Variants in CNTN5 observed in about 807,000 individuals in gnomAD.
The protein encoded by CNTN5 is contactin 5, also known as contactin-5.
CNTN5 carries 77 observed loss-of-function variants against 129.1 expected under a neutral mutation model. The observed-to-expected ratio is 0.60, with a 90% CI of 0.50 to 0.72. The LOEUF is 0.72. Among genes scored for constraint, CNTN5 ranks in the 30% least tolerant of loss-of-function variants. CNTN5 has a pLI of 0.00. For synonymous variants in CNTN5, 509 were observed against 465.6 expected, an observed-to-expected ratio of 1.09 and a Z score of -1.20; for missense variants, 1,478 against 1,328.8, an observed-to-expected ratio of 1.11 and a Z score of -1.75.
intron 3 of CNTN5, among the ~76,000 whole-genome samples, chr11:99,572,843 C>T (rs1949219315): frequency 6.6e-6 from 1 of 151,736 alleles, no homozygotes; most frequent in East Asian, 1.9e-4. Flanking sequence ...AATATATTGG[C>T]GGTTAGAAAC....
intron 3 of CNTN5, among the ~76,000 whole-genome samples, chr11:99,657,582 G>C (rs987696048): frequency 6.6e-6 from 1 of 152,042 alleles, no homozygotes; most frequent in Non-Finnish European, 1.5e-5. Flanking sequence ...ACATTTTTGT[G>C]TGTTTCATAG....
chr11:100,035,099 C>A (rs1941912609), intron 9 of CNTN5, among the ~76,000 whole-genome samples: 2 of 152,054 alleles, frequency 1.3e-5, no homozygotes, highest in Admixed American at 6.6e-5. Context: ...TGAGGTATAC[C>A]TCCTAATGCT....
intron 3 of CNTN5, among the ~76,000 whole-genome samples, chr11:99,754,887 T>C (rs1451625824): frequency 6.6e-6 from 1 of 152,216 alleles, no homozygotes; most frequent in Admixed American, 6.5e-5. Context: ...GTAGTTTTAA[T>C]GCCTTAAAAA....
intron 3 of CNTN5, among the ~76,000 whole-genome samples, chr11:99,722,421 G>A (rs1486114926): frequency 6.6e-6 from 1 of 152,072 alleles, no homozygotes; most frequent in Non-Finnish European, 1.5e-5. Context: ...GTGAGTGGGA[G>A]CTAAATGATG....
chr11:99,550,560 G>A (rs1565285758), intron 2 of CNTN5, among the ~76,000 whole-genome samples: 1 of 152,048 alleles, frequency 6.6e-6, no homozygotes, highest in Non-Finnish European at 1.5e-5. Flanking sequence ...TGGAGAATAA[G>A]GTCCACGGAA....
intron 2 of CNTN5, among the ~76,000 whole-genome samples, chr11:99,478,123 C>A (rs1332733397): frequency 6.6e-6 from 1 of 151,966 alleles, no homozygotes; most frequent in African/African-American, 2.4e-5. Context: ...TAAAACAATG[C>A]ATATTTATTA....
At chr11:99,351,079 G>T (rs1938264473) in intron 2 of CNTN5, among the ~76,000 whole-genome samples, 1 of 151,992 alleles carries the variant, frequency 6.6e-6, no homozygotes, top group African/African-American at 2.4e-5. Context: ...GTGACGGGTT[G>T]ATGGGTGCAG....
At chr11:100,213,944 A>C (rs917848880) in intron 15 of CNTN5, among the ~76,000 whole-genome samples, 1 of 152,168 alleles carries the variant, frequency 6.6e-6, no homozygotes, top group African/African-American at 2.4e-5. Context: ...CTTTCAAAGC[A>C]AGCTTGGCAA....
At chr11:100,172,714 G>A (rs1349824113) in intron 13 of CNTN5, among the ~76,000 whole-genome samples, 1 of 152,040 alleles carries the variant, frequency 6.6e-6, no homozygotes, top group Non-Finnish European at 1.5e-5. Flanking sequence ...AGACCAAGTA[G>A]TGCATTACGA....
intron 8 of CNTN5, among the ~76,000 whole-genome samples, chr11:99,992,300 C>T (rs1939160950): frequency 6.6e-6 from 1 of 152,198 alleles, no homozygotes; most frequent in Non-Finnish European, 1.5e-5. Flanking sequence ...ACAAGACCTT[C>T]AGCCAATGAG....
chr11:100,018,181 A>G (rs2137550780), intron 9 of CNTN5, among the ~76,000 whole-genome samples: 1 of 152,052 alleles, frequency 6.6e-6, no homozygotes, highest in East Asian at 1.9e-4. Flanking sequence ...AAATGTTTAA[A>G]CTGTAGAATT....
chr11:99,854,022 T>A (rs1947956484), intron 6 of CNTN5, among the ~76,000 whole-genome samples: 3 of 152,216 alleles, frequency 2.0e-5, no homozygotes, highest in African/African-American at 7.2e-5. Context: ...GTAATTAATG[T>A]ATGCATGTAG....
chr11:99,422,324 T>G (rs1942924430), intron 2 of CNTN5, among the ~76,000 whole-genome samples: 1 of 151,724 alleles, frequency 6.6e-6, no homozygotes, highest in African/African-American at 2.4e-5. Flanking sequence ...ATTAGTATCA[T>G]TACACATTCC....
chr11:100,003,839 C>T (rs554701408), intron 9 of CNTN5: 2 of 152,274 alleles, frequency 1.3e-5, no homozygotes, highest in Admixed American at 6.5e-5. Flanking sequence ...GACTGCTTCA[C>T]TCAAGAAGGT....
rs566686304 is a variant in CNTN5 at position 99,502,477 on chromosome 11, G to C, written c.-70-53668G>C. Among the ~76,000 whole-genome samples, 11 of 152,170 alleles carry C rather than the reference G, an allele frequency of 7.2e-5. No homozygotes were observed. In the East Asian group the frequency reaches 2.1e-3, roughly 29 times the overall value. ...TAGTGAGTGAGTTCTAAGGAGATCT[G>C]ATGGTTTTATAAGGAGCTCTTCCCC... On this transcript the variant is annotated intron_variant, in intron 2 of 24. Transcript: ENST00000524871.
intron 7 of CNTN5, among the ~76,000 whole-genome samples, chr11:99,926,276 A>C (rs2136055355): frequency 6.6e-6 from 1 of 152,260 alleles, no homozygotes; most frequent in South Asian, 2.1e-4. Flanking sequence ...CTAGAAGATG[A>C]ATGGCACTTG....
intron 2 of CNTN5, among the ~76,000 whole-genome samples, chr11:99,426,289 T>C (rs1030295699): frequency 6.6e-6 from 1 of 152,062 alleles, no homozygotes; most frequent in Non-Finnish European, 1.5e-5. Context: ...TATCACAAAA[T>C]AGGATCACAG....
intron 8 of CNTN5, among the ~76,000 whole-genome samples, chr11:99,995,294 T>G (rs771176390): frequency 3.1e-4 from 47 of 151,298 alleles, no homozygotes; most frequent in Non-Finnish European, 5.4e-4. Context: ...ATAAAAACTT[T>G]AGTGACATTT....
At chr11:100,281,704 T>C (rs1274556609) in intron 18 of CNTN5, among the ~76,000 whole-genome samples, 1 of 152,204 alleles carries the variant, frequency 6.6e-6, no homozygotes, top group Non-Finnish European at 1.5e-5. Context: ...TACCTTGTCT[T>C]TAAGGCCAAA....
Sources: allele counts gnomAD v4.1 joint callset (sites outside exome capture counted in the v4.1 genomes callset), GRCh38; gene constraint gnomAD v4.1.1; transcripts MANE v1.5; gene names NCBI Gene and HGNC (gene_info 2026-07-23, HGNC 2026-07-21).